The following NKAIN2 variants were observed in gnomAD, a reference collection of about 807,000 sequenced individuals.
NKAIN2 encodes sodium/potassium-transporting ATPase subunit beta-1-interacting protein 2.
A neutral mutation model predicts 32.6 loss-of-function variants in NKAIN2; 14 were observed. The ratio of observed to expected loss-of-function variants is 0.43; its 90% CI spans 0.28 to 0.67. NKAIN2 has a LOEUF of 0.67. Among genes scored for constraint, NKAIN2 ranks in the 30% least tolerant of loss-of-function variants. The pLI is 0.17. For synonymous variants in NKAIN2, 80 were observed against 87.2 expected, an observed-to-expected ratio of 0.92 and a Z score of 0.46; for missense variants, 198 against 258.3, an observed-to-expected ratio of 0.77 and a Z score of 1.60.
chr6:124,803,179 G>A (rs898637354), intron 5 of NKAIN2, among the ~76,000 whole-genome samples: 4 of 152,164 alleles, frequency 2.6e-5, no homozygotes, highest in African/African-American at 9.7e-5. Flanking sequence ...CTTAAACCAA[G>A]TACTGATACC....
chr6:124,603,917 CTG>C (rs1451066495), intron 3 of NKAIN2, among the ~76,000 whole-genome samples: 6 of 151,998 alleles, frequency 3.9e-5, no homozygotes, highest in African/African-American at 1.2e-4. Context: ...TGTCACAAAA[CTG>C]TAACTTCAAG....
intron 1 of NKAIN2, among the ~76,000 whole-genome samples, chr6:124,215,390 A>T (rs563907553): frequency 4.6e-4 from 70 of 152,270 alleles, no homozygotes; most frequent in African/African-American, 1.6e-3. Context: ...AAAGAATTAC[A>T]GATTTGAAAA....
At chr6:124,163,103 T>C (rs2114459291) in intron 1 of NKAIN2, among the ~76,000 whole-genome samples, 1 of 152,162 alleles carries the variant, frequency 6.6e-6, no homozygotes, top group Middle Eastern at 3.4e-3. Context: ...GAACACTAGG[T>C]AATGTTTCAG....
intron 1 of NKAIN2, among the ~76,000 whole-genome samples, chr6:124,069,495 G>C (rs749567584): frequency 5.3e-5 from 8 of 152,096 alleles, no homozygotes; most frequent in Non-Finnish European, 1.0e-4. Flanking sequence ...CAGGAAAGCA[G>C]CCTCATTCTG....
rs565100067 is a variant in NKAIN2 at position 124,037,522 on chromosome 6, T to C, written c.54+233268T>C. On this transcript the variant is annotated intron_variant, in intron 1 of 6. Coordinates refer to ENST00000368417, the MANE Select transcript of NKAIN2 (RefSeq NM_001040214.3). ...TGCTATTTGTAGATTTTTAATAAGT[T>C]GTCTCATTTTAAAAAAATTCTAACA... Among the ~76,000 whole-genome samples, 13 of 152,256 alleles carry C rather than the reference T, an allele frequency of 8.5e-5. No individual in the cohort carries two copies. In the South Asian group the frequency reaches 2.7e-3, roughly 31 times the overall value.
intron 3 of NKAIN2, among the ~76,000 whole-genome samples, chr6:124,487,819 T>C (rs9320994): frequency 0.76 from 115,371 of 151,932 alleles, 45,416 homozygotes; most frequent in Non-Finnish European, 0.87. Context: ...TTGCCCATGG[T>C]CAGAGAGGAA....
chr6:123,886,267 TAAA>T (rs1036749314), intron 1 of NKAIN2, among the ~76,000 whole-genome samples: 51 of 151,948 alleles, frequency 3.4e-4, no homozygotes, highest in African/African-American at 1.0e-3. Context: ...AACATATAAA[TAAA>T]AAAGAAGAAA....
chr6:124,261,271 T>C (rs532075091), intron 1 of NKAIN2, among the ~76,000 whole-genome samples: 7 of 152,304 alleles, frequency 4.6e-5, no homozygotes, highest in African/African-American at 7.2e-5. Flanking sequence ...TTTTACTCTC[T>C]TTCTTTTTAC....
At position 124,528,393 on chromosome 6, in the gene NKAIN2, T is replaced by C. The variant is rs1394891106; in HGVS notation, c.274-129793T>C. Among the ~76,000 whole-genome samples, 3 of 152,342 alleles carry C rather than the reference T, an allele frequency of 2.0e-5. No individual in the cohort carries two copies. In the East Asian group the frequency reaches 5.8e-4, roughly 29 times the overall value. ...CAGTGGGTCACATACTGTAGTGCAGTGTTTTGTCTTTTTAAGTAAACATTC... is the reference window on the plus strand; with the variant it reads ...CAGTGGGTCACATACTGTAGTGCAGCGTTTTGTCTTTTTAAGTAAACATTC... On this transcript the variant is annotated intron_variant, in intron 3 of 6. Coordinates refer to ENST00000368417, the MANE Select transcript of NKAIN2 (RefSeq NM_001040214.3).
At chr6:124,091,087 G>C (rs1207891629) in intron 1 of NKAIN2, among the ~76,000 whole-genome samples, 1 of 151,708 alleles carries the variant, frequency 6.6e-6, no homozygotes, top group Non-Finnish European at 1.5e-5. Flanking sequence ...TATTTACATA[G>C]TCCATGTAAC....
chr6:124,227,667 C>T (rs1792193900), intron 1 of NKAIN2, among the ~76,000 whole-genome samples: 1 of 152,110 alleles, frequency 6.6e-6, no homozygotes, highest in South Asian at 2.1e-4. Context: ...TCATTAAGGA[C>T]TTATTATTTT....
At chr6:123,830,423 A>T (rs938733601) in intron 1 of NKAIN2, among the ~76,000 whole-genome samples, 1 of 151,060 alleles carries the variant, frequency 6.6e-6, no homozygotes, top group Non-Finnish European at 1.5e-5. Context: ...TCCCTGTCTC[A>T]CTCCCCTTTG....
chr6:124,358,397 G>A lies in NKAIN2; in HGVS notation c.273+3050G>A, dbSNP rs189675386. Reference sequence around the variant, plus strand: ...ACTAGTTTACAGTCCCACCAACAGTGTAAAAGTGTTCCTATATCTCCACAT... The same window carrying A: ...ACTAGTTTACAGTCCCACCAACAGTATAAAAGTGTTCCTATATCTCCACAT... On this transcript the variant is annotated intron_variant, in intron 3 of 6. Coordinates refer to ENST00000368417, the MANE Select transcript of NKAIN2 (RefSeq NM_001040214.3). Among the ~76,000 whole-genome samples the A allele has an allele frequency of 5.0e-3, 762 of 152,092 alleles. 7 individuals carry two copies. Among genetic ancestry groups the A allele is most frequent in the African/African-American group, 0.017 (707 of 41,480 alleles).
chr6:123,967,678 GAA>G (rs869114456), intron 1 of NKAIN2, among the ~76,000 whole-genome samples: 1 of 151,182 alleles, frequency 6.6e-6, no homozygotes, highest in Non-Finnish European at 1.5e-5. Context: ...CACATTATGT[GAA>G]AAAAAAGGGG....
At chr6:124,043,563 T>C (rs952316434) in intron 1 of NKAIN2, among the ~76,000 whole-genome samples, 3 of 152,048 alleles carry the variant, frequency 2.0e-5, no homozygotes, top group African/African-American at 7.2e-5. Flanking sequence ...CTATAGCATT[T>C]TGGCAGACAA....
At chr6:124,280,714 C>T (rs1349730770) in intron 1 of NKAIN2, among the ~76,000 whole-genome samples, 4 of 152,142 alleles carry the variant, frequency 2.6e-5, no homozygotes, top group Admixed American at 6.6e-5. Flanking sequence ...TAATAGTCTT[C>T]CTGTGGGAAG....
chr6:123,842,917 C>T (rs72966694), intron 1 of NKAIN2, among the ~76,000 whole-genome samples: 5,599 of 152,226 alleles, frequency 0.037, 161 homozygotes, highest in Non-Finnish European at 0.058. Flanking sequence ...CTATTCAGTG[C>T]TGTAATACAT....
chr6:124,052,033 C>G (rs1211632834), intron 1 of NKAIN2, among the ~76,000 whole-genome samples: 1 of 151,974 alleles, frequency 6.6e-6, no homozygotes, highest in African/African-American at 2.4e-5. Flanking sequence ...GTCCATTTCT[C>G]TATAGGGTTT....
chr6:123,944,940 C>T (rs1266913945), intron 1 of NKAIN2, among the ~76,000 whole-genome samples: 2 of 151,956 alleles, frequency 1.3e-5, no homozygotes, highest in African/African-American at 4.8e-5. Flanking sequence ...GAAACCATCA[C>T]GTTACCCACC....
Sources: allele counts gnomAD v4.1 joint callset (sites outside exome capture counted in the v4.1 genomes callset), GRCh38; gene constraint gnomAD v4.1.1; transcripts MANE v1.5; gene names NCBI Gene and HGNC (gene_info 2026-07-23, HGNC 2026-07-21).